MORC1: variants seen among roughly 807,000 people sequenced by gnomAD.
The protein encoded by MORC1 is MORC family CW-type zinc finger protein 1.
A neutral mutation model predicts 134.9 loss-of-function variants in MORC1; 59 were observed. The ratio of observed to expected loss-of-function variants is 0.44; its 90% CI spans 0.35 to 0.54. The LOEUF is 0.54. Ranked by LOEUF, MORC1 falls within the 20% of genes least tolerant of loss-of-function variation. The pLI, the probability that MORC1 is intolerant of heterozygous loss-of-function variation, is 0.00. For missense variants in MORC1, 947 were observed against 1,134.5 expected (o/e 0.83, Z 2.37); for synonymous variants, 395 against 391.7 (o/e 1.01, Z -0.10).
At chr3:109,056,189 C>A (rs183115469) in intron 13 of MORC1, among the ~76,000 whole-genome samples, 1 of 152,284 alleles carries the variant, frequency 6.6e-6, no homozygotes, top group Admixed American at 6.5e-5. Context: ...TCTGAGTACA[C>A]TGGGATTTAA....
chr3:108,978,831 C>T (rs1362430181), intron 24 of MORC1, among the ~76,000 whole-genome samples: 1 of 152,144 alleles, frequency 6.6e-6, no homozygotes, highest in Non-Finnish European at 1.5e-5. Flanking sequence ...ACCCTTAAAA[C>T]CCAACAAAAG....
At chr3:109,018,741 T>A (rs908846663) in intron 17 of MORC1, among the ~76,000 whole-genome samples, 3 of 152,182 alleles carry the variant, frequency 2.0e-5, no homozygotes, top group African/African-American at 7.2e-5. Context: ...TCCAGAAATA[T>A]CATGTTTATA....
intron 14 of MORC1, among the ~76,000 whole-genome samples, chr3:109,036,681 T>G (rs912276661): frequency 2.0e-5 from 3 of 152,126 alleles, no homozygotes; most frequent in Admixed American, 2.0e-4. Flanking sequence ...CTCAGGGTGC[T>G]ATGGGGCTTA....
At chr3:109,000,777 C>T (rs1002267014) in intron 20 of MORC1, 119 bp from the exon 21 acceptor site, 6 of 694,428 alleles carry the variant, frequency 8.6e-6, no homozygotes, top group African/African-American at 1.8e-5. Context: ...GGATATATAG[C>T]GAAAATTCAA....
At position 109,002,445 on chromosome 3, in the gene MORC1, C is replaced by A. The variant is rs551436188; in HGVS notation, c.2086-1787G>T. 3.3e-5 allele frequency among the ~76,000 whole-genome samples: 5 copies of A among 152,308 alleles called. No homozygotes were observed. The South Asian group carries it at 6.2e-4, about 19-fold the overall frequency. ...GGAGACAGATGCTGTGTTCCCTCCC[C>A]AAGGAAGACAGATATAGCAGTGGGG... On this transcript the variant is annotated intron_variant, in intron 20 of 27. Coordinates refer to ENST00000232603, the MANE Select transcript of MORC1 (RefSeq NM_014429.4).
Position 108,971,406 on chromosome 3 carries a change from G to A in MORC1, c.2478-4C>T. On this transcript the variant is annotated splice_polypyrimidine_tract_variant and splice_region_variant and intron_variant, in intron 24 of 27. Transcript: ENST00000232603. ...AAAAAAATACAGAAGAATCTCCCTA[G>A]GAATACAAGCACAGCAGATATGGGA... The A allele has an allele frequency of 6.2e-7, 1 of 1,609,798 alleles. No individual in the cohort carries two copies. The highest frequency in any genetic ancestry group is 8.5e-7 in the Non-Finnish European group (1 of 1,176,444).
At chr3:108,965,418 C>T (rs1289388001) in intron 26 of MORC1, among the ~76,000 whole-genome samples, 1 of 152,136 alleles carries the variant, frequency 6.6e-6, no homozygotes, top group African/African-American at 2.4e-5. Context: ...ACATATGATT[C>T]CATTTCTACA....
intron 8 of MORC1, among the ~76,000 whole-genome samples, chr3:109,087,528 A>G: frequency 6.6e-6 from 1 of 152,104 alleles, no homozygotes; most frequent in East Asian, 1.9e-4. Context: ...GGGAGGTGAA[A>G]GATTTCCACA....
chr3:109,009,595 T>A (rs938418684), intron 17 of MORC1, among the ~76,000 whole-genome samples: 5 of 152,244 alleles, frequency 3.3e-5, no homozygotes, highest in African/African-American at 1.2e-4. Flanking sequence ...TTCCTTTCCA[T>A]GAGGATCTTA....
chr3:109,021,729 T>TA (rs200784614), intron 17 of MORC1, among the ~76,000 whole-genome samples: 2,081 of 152,334 alleles, frequency 0.014, 33 homozygotes, highest in Non-Finnish European at 0.017. Context: ...GTCTGTTTAG[T>TA]AAACCACAAA....
intron 8 of MORC1, 52 bp from the exon 9 acceptor site, chr3:109,069,809 C>T (rs1369774201): frequency 3.3e-6 from 5 of 1,525,964 alleles, no homozygotes; most frequent in African/African-American, 1.4e-5. Flanking sequence ...ACAACTACAT[C>T]TCTTTGAGAA....
chr3:108,987,314 G>A (rs1041296195), intron 21 of MORC1, among the ~76,000 whole-genome samples: 6 of 152,294 alleles, frequency 3.9e-5, no homozygotes, highest in Admixed American at 6.5e-5. Context: ...AGCCTCTATC[G>A]TTTTGAGGAA....
chr3:109,038,990 C>G (rs1354766491), intron 14 of MORC1, among the ~76,000 whole-genome samples: 1 of 152,192 alleles, frequency 6.6e-6, no homozygotes, highest in East Asian at 1.9e-4. Flanking sequence ...GATCTTGGCT[C>G]ACTGCAACCT....
At chr3:109,084,144 A>G (rs1950573582) in intron 8 of MORC1, among the ~76,000 whole-genome samples, 1 of 152,150 alleles carries the variant, frequency 6.6e-6, no homozygotes, top group African/African-American at 2.4e-5. Context: ...ATAATACTGA[A>G]AGTTCTGGTC....
At chr3:109,054,927 G>C in intron 13 of MORC1, 45 bp from the exon 14 acceptor site, 1 of 1,522,350 alleles carries the variant, frequency 6.6e-7, no homozygotes, top group Non-Finnish European at 8.8e-7. Flanking sequence ...TTTGGCTAAA[G>C]AAAAAAATCA....
intron 21 of MORC1, among the ~76,000 whole-genome samples, chr3:108,990,962 A>T (rs1277943680): frequency 6.6e-6 from 1 of 151,084 alleles, no homozygotes; most frequent in Non-Finnish European, 1.5e-5. Flanking sequence ...AATTTATATG[A>T]CCTGATATTA....
Position 109,044,816 on chromosome 3 carries a change from G to C in MORC1, c.1331-9348C>G, listed in dbSNP as rs1300192655. Among the ~76,000 whole-genome samples, 3 of 149,008 alleles carry C rather than the reference G, an allele frequency of 2.0e-5. No homozygotes were observed. The Admixed American group carries it at 2.0e-4, about 10-fold the overall frequency. ...AAAAATTAGCCAGGTGTGGTGGCGG[G>C]CATCTGTAATCCCAGCTACTTGGGA... On this transcript the variant is annotated intron_variant, in intron 14 of 27. Transcript: ENST00000232603.
chr3:109,107,507 G>A (rs1258097412), intron 3 of MORC1, among the ~76,000 whole-genome samples: 9 of 152,140 alleles, frequency 5.9e-5, no homozygotes, highest in Non-Finnish European at 1.0e-4. Flanking sequence ...AAAAAGTACC[G>A]AATGCATATC....
At chr3:108,971,798 T>C (rs1576580681) in intron 24 of MORC1, among the ~76,000 whole-genome samples, 1 of 123,428 alleles carries the variant, frequency 8.1e-6, no homozygotes, top group Non-Finnish European at 1.6e-5. Flanking sequence ...AAAAGGTTAC[T>C]GAAAGAGGAA....
Sources: allele counts gnomAD v4.1 joint callset (sites outside exome capture counted in the v4.1 genomes callset), GRCh38; gene constraint gnomAD v4.1.1; transcripts MANE v1.5; gene names NCBI Gene and HGNC (gene_info 2026-07-23, HGNC 2026-07-21).